PHF21A: variants seen among roughly 807,000 people sequenced by gnomAD.
PHF21A encodes the protein PHD finger protein 21A, also known as BHC80a.
In PHF21A, 11 loss-of-function variants were observed where a neutral mutation model predicts 82.5. The ratio of observed to expected loss-of-function variants is 0.13; its 90% CI spans 0.08 to 0.22. The LOEUF is 0.22. Ranked by LOEUF, PHF21A falls within the 10% of genes least tolerant of loss-of-function variation. The pLI is 1.00. For synonymous variants in PHF21A, 297 were observed against 302.8 expected, an observed-to-expected ratio of 0.98 and a Z score of 0.20; for missense variants, 579 against 837.8, an observed-to-expected ratio of 0.69 and a Z score of 3.81.
chr11:46,022,141 G>C (rs1003309227), intron 6 of PHF21A, among the ~76,000 whole-genome samples: 5 of 152,162 alleles, frequency 3.3e-5, no homozygotes, highest in Admixed American at 6.5e-5. Context: ...TGTACTGTTT[G>C]TTTCTTTCTT....
intron 3 of PHF21A, among the ~76,000 whole-genome samples, chr11:46,087,640 G>A (rs1367488858): frequency 6.6e-6 from 1 of 152,136 alleles, no homozygotes; most frequent in African/African-American, 2.4e-5. Context: ...TGTATTTATA[G>A]TTTACAAAAA....
intron 6 of PHF21A, among the ~76,000 whole-genome samples, chr11:46,014,047 G>A (rs774005618): frequency 6.6e-6 from 1 of 152,110 alleles, no homozygotes; most frequent in Admixed American, 6.5e-5. Context: ...GGGTACATGT[G>A]CAGGTTTCTT....
chr11:46,082,758 C>A (rs182790040), intron 4 of PHF21A, among the ~76,000 whole-genome samples: 68 of 152,164 alleles, frequency 4.5e-4, no homozygotes, highest in African/African-American at 1.6e-3. Context: ...TGCTTGAATT[C>A]AGAATATGAA....
chr11:45,996,281 T>C (rs2094905948), intron 6 of PHF21A, among the ~76,000 whole-genome samples: 1 of 152,210 alleles, frequency 6.6e-6, no homozygotes, highest in South Asian at 2.1e-4. Context: ...ACATAGGATC[T>C]AGTACTCAAG....
intron 6 of PHF21A, among the ~76,000 whole-genome samples, chr11:45,987,254 G>GTATGTATGTATGTATA (rs1284471405): frequency 6.6e-6 from 1 of 150,776 alleles, no homozygotes; most frequent in Non-Finnish European, 1.5e-5. Flanking sequence ...ATAAATAAAT[G>GTATGTATGTATGTATA]TATGTATGTA....
At chr11:45,959,271 A>G (rs991550172) in intron 10 of PHF21A, among the ~76,000 whole-genome samples, 4 of 152,262 alleles carry the variant, frequency 2.6e-5, no homozygotes, top group African/African-American at 9.6e-5. Context: ...GCTTGATTAT[A>G]GTAATCATTT....
chr11:45,979,591 A>G (rs553340996), intron 7 of PHF21A, among the ~76,000 whole-genome samples, 169 bp downstream of exon 7: 2 of 152,358 alleles, frequency 1.3e-5, no homozygotes, highest in South Asian at 4.1e-4. Context: ...CCTTCTGCCA[A>G]TGATTACAAG....
intron 2 of PHF21A, among the ~76,000 whole-genome samples, chr11:46,091,676 A>G (rs2096926056): frequency 6.6e-6 from 1 of 152,224 alleles, no homozygotes; most frequent in Non-Finnish European, 1.5e-5. Context: ...AGGCCATCAA[A>G]TAGAACAGCA....
chr11:46,010,860 G>T (rs1284146787), intron 6 of PHF21A, among the ~76,000 whole-genome samples: 1 of 152,146 alleles, frequency 6.6e-6, no homozygotes, highest in Non-Finnish European at 1.5e-5. Flanking sequence ...AGTCTGAATT[G>T]TTGGGGGCAA....
rs1353446008 is a variant in PHF21A at position 45,969,801 on chromosome 11, A to T, written c.702+14T>A. 5 of 1,554,994 alleles carry T rather than the reference A, an allele frequency of 3.2e-6. No homozygotes were observed. The highest frequency in any genetic ancestry group is 4.4e-6 in the Non-Finnish European group (5 of 1,126,274). ...CATCTAACCTATCATTGAGCTTGTC[A>T]TTGGTTTACTCACCTGTGGAAGAAA... On this transcript the variant is annotated intron_variant, in intron 9 of 18. Transcript: ENST00000676320.
chr11:45,969,419 T>C (rs2093634873), intron 9 of PHF21A, among the ~76,000 whole-genome samples: 3 of 152,240 alleles, frequency 2.0e-5, no homozygotes, highest in Admixed American at 2.0e-4. Context: ...AACTGAAGAA[T>C]AGTTTCTACT....
Position 46,024,477 on chromosome 11 carries a change from A to G in PHF21A, c.154-44511T>C, listed in dbSNP as rs2095699146. 2.0e-5 allele frequency among the ~76,000 whole-genome samples: 3 copies of G among 151,954 alleles called. No homozygotes were observed. The South Asian group carries it at 6.2e-4, about 32-fold the overall frequency. On this transcript the variant is annotated intron_variant, in intron 6 of 18. Transcript: ENST00000676320. The stretch of plus-strand genomic sequence containing the variant: ...GGCCACCTAGTTTAGATTCTCTTCT[A>G]TTTTTTCCTCTATACTTTAATTAAG...
At chr11:45,959,810 T>C (rs2092963806) in intron 10 of PHF21A, among the ~76,000 whole-genome samples, 1 of 152,190 alleles carries the variant, frequency 6.6e-6, no homozygotes, top group Non-Finnish European at 1.5e-5. Context: ...GGTAAGGGTC[T>C]AGTATCCAGA....
intron 2 of PHF21A, among the ~76,000 whole-genome samples, chr11:46,091,547 T>A (rs745384686): frequency 3.9e-5 from 6 of 152,170 alleles, no homozygotes; most frequent in Non-Finnish European, 5.9e-5. Flanking sequence ...AAATGTACTA[T>A]CAGACATGAA....
At chr11:46,005,049 C>T (rs1340908505) in intron 6 of PHF21A, among the ~76,000 whole-genome samples, 2 of 152,118 alleles carry the variant, frequency 1.3e-5, no homozygotes, top group African/African-American at 4.8e-5. Context: ...ATGTATACAC[C>T]CAACTAATAC....
At chr11:46,060,613 G>C (rs1385216411) in intron 6 of PHF21A, among the ~76,000 whole-genome samples, 1 of 152,160 alleles carries the variant, frequency 6.6e-6, no homozygotes, top group South Asian at 2.1e-4. Context: ...GGCCACATGT[G>C]TGTCTTCTTT....
chr11:45,959,729 CAA>C (rs1348841326), intron 10 of PHF21A, among the ~76,000 whole-genome samples: 1 of 152,102 alleles, frequency 6.6e-6, no homozygotes, highest in African/African-American at 2.4e-5. Context: ...AGCTGTGTAT[CAA>C]AGGACTGTAT....
intron 10 of PHF21A, among the ~76,000 whole-genome samples, chr11:45,961,402 A>G (rs1304568474): frequency 6.6e-6 from 1 of 152,228 alleles, no homozygotes; most frequent in African/African-American, 2.4e-5. Flanking sequence ...GTCACTTGGA[A>G]CTATTTTCTC....
chr11:46,050,577 G>GAA (rs1375620072), intron 6 of PHF21A, among the ~76,000 whole-genome samples: 3 of 152,210 alleles, frequency 2.0e-5, no homozygotes, highest in African/African-American at 7.2e-5. Flanking sequence ...GGAGGGGAAT[G>GAA]AAGTAGGTAC....
Sources: gnomAD v4.1 joint callset for allele counts (sites outside exome capture counted in the v4.1 genomes callset) on GRCh38, gnomAD v4.1.1 for gene constraint, MANE v1.5 for transcripts, NCBI Gene and HGNC (gene_info 2026-07-23, HGNC 2026-07-21) for gene names.